Variants in DNAH11 observed in about 807,000 individuals in gnomAD.
DNAH11 encodes dynein axonemal heavy chain 11, also known as axonemal beta dynein heavy chain 11.
A neutral mutation model predicts 526.0 loss-of-function variants in DNAH11; 442 were observed. The ratio of observed to expected loss-of-function variants is 0.84; its 90% CI spans 0.78 to 0.91. DNAH11 has a LOEUF of 0.91. Ranked by LOEUF, DNAH11 falls within the 40% of genes least tolerant of loss-of-function variation. The probability of loss-of-function intolerance (pLI) is 0.00; values close to 1 mark genes in which losing one functional copy is unlikely to be tolerated. For missense variants in DNAH11, 6,989 were observed against 5,448.7 expected (o/e 1.28, Z -8.90); for synonymous variants, 2,461 against 1,935.9 (o/e 1.27, Z -7.12).
intron 55 of DNAH11, among the ~76,000 whole-genome samples, chr7:21,772,247 T>C (rs1210147103): frequency 6.6e-6 from 1 of 152,148 alleles, no homozygotes; most frequent in Admixed American, 6.5e-5. Context: ...ATCCCCGATT[T>C]ACAAATGAAA....
Position 21,900,052 on chromosome 7 carries a change from A to G in DNAH11, c.13235A>G (p.Lys4412Arg). 1 of 1,613,982 alleles carries G rather than the reference A, an allele frequency of 6.2e-7. No individual in the cohort carries two copies. The highest frequency in any genetic ancestry group is 8.5e-7 in the Non-Finnish European group (1 of 1,179,886). Residue 4412 changes from lysine to arginine, a missense_variant, in exon 81 of 82, where the codon AAA becomes AGA. Transcript: ENST00000409508. ...DKTRLTADVT[K>R]KTKEDYGHPP... ...ACGCGCTTGACTGCTGATGTTACCA[A>G]AAAAACAAAGGAAGATTATGGACAC... is the stretch of plus-strand genomic sequence containing the variant.
rs1373906090 is a variant in DNAH11, at chr7:21,894,739, TGA to T, written c.12871_12872del (p.Arg4291AspfsTer13). On this transcript the variant is annotated frameshift_variant, in exon 78 of 82. Transcript: ENST00000409508. LOFTEE classifies it high-confidence loss of function. ...ATGTTCTTGTTTGCTTCCAAGAATG[TGA>T]GAGGATGAATATTCTCATTCGGGAA... is the stretch of plus-strand genomic sequence containing the variant. ...PYVLVCFQECERMNILIREIR... is the reference protein window; with the variant it reads ...PYVLVCFQECXRMNILIREIR... 1 of 1,612,988 alleles carries T rather than the reference TGA, an allele frequency of 6.2e-7. No homozygotes were observed. Among genetic ancestry groups the T allele is most frequent in the Admixed American group, 1.7e-5 (1 of 59,810 alleles).
At chr7:21,718,819 A>G (rs1257616890) in intron 43 of DNAH11, among the ~76,000 whole-genome samples, 1 of 152,210 alleles carries the variant, frequency 6.6e-6, no homozygotes, top group Non-Finnish European at 1.5e-5. Flanking sequence ...ACGCAAAATT[A>G]GAAATAGTCA....
intron 28 of DNAH11, among the ~76,000 whole-genome samples, chr7:21,655,625 A>T (rs1395611125): frequency 6.6e-6 from 1 of 152,170 alleles, no homozygotes; most frequent in African/African-American, 2.4e-5. Context: ...CCAGTATGTG[A>T]TGATTTGACC....
At chr7:21,775,429 C>A (rs756033582) in intron 56 of DNAH11, among the ~76,000 whole-genome samples, 9 of 151,958 alleles carry the variant, frequency 5.9e-5, no homozygotes, top group Admixed American at 3.3e-4. Flanking sequence ...CCAGCCTGGA[C>A]AACAAAATGA....
In DNAH11 at chr7:21,571,978, T is replaced by A. The variant is rs1427442581; in HGVS notation, c.1593+5T>A. 1 of 1,515,778 alleles carries A rather than the reference T, an allele frequency of 6.6e-7. No individual in the cohort carries two copies. The highest frequency in any genetic ancestry group is 8.8e-7 in the Non-Finnish European group (1 of 1,135,578). The allele number at this position is 1,515,778 out of a possible 1,614,324, so 93.9% of individuals were successfully genotyped here. On this transcript the variant is annotated splice_donor_5th_base_variant and intron_variant, in intron 8 of 81. Transcript: ENST00000409508. Reference sequence around the variant, plus strand: ...CCATCTGATTGCACTAACATGGTAATGTTGTACCTTTGCATTTTCATTGCA... The same window carrying A: ...CCATCTGATTGCACTAACATGGTAAAGTTGTACCTTTGCATTTTCATTGCA...
chr7:21,730,723 C>A (rs1785342230), intron 45 of DNAH11, among the ~76,000 whole-genome samples: 1 of 152,088 alleles, frequency 6.6e-6, no homozygotes, highest in African/African-American at 2.4e-5. Flanking sequence ...TCAAGGGATA[C>A]AAAATTTCAG....
chr7:21,868,111 T>TC (rs1169594793), intron 72 of DNAH11, 104 bp downstream of exon 72: 1 of 1,139,662 alleles, frequency 8.8e-7, no homozygotes, highest in Non-Finnish European at 1.2e-6. Context: ...TTTCTTTTTT[T>TC]TTTTTTTTTA....
intron 61 of DNAH11, among the ~76,000 whole-genome samples, chr7:21,796,794 C>A (rs116339148): frequency 6.6e-6 from 1 of 152,200 alleles, no homozygotes; most frequent in African/African-American, 2.4e-5. Context: ...ATGAAAAAAT[C>A]TCTCTGAGAC....
chr7:21,889,904 T>G (rs1279229403), intron 76 of DNAH11, among the ~76,000 whole-genome samples: 2 of 152,186 alleles, frequency 1.3e-5, no homozygotes, highest in Non-Finnish European at 2.9e-5. Flanking sequence ...CAGGGCTCCT[T>G]GAGTATATTA....
intron 42 of DNAH11, among the ~76,000 whole-genome samples, chr7:21,713,514 C>T (rs1200990034): frequency 8.5e-5 from 13 of 152,274 alleles, no homozygotes; most frequent in African/African-American, 2.9e-4. Flanking sequence ...GGCAGTCCTT[C>T]GTTCTCTTGT....
At chr7:21,677,373 G>A (rs1366070908) in intron 30 of DNAH11, among the ~76,000 whole-genome samples, 1 of 151,914 alleles carries the variant, frequency 6.6e-6, no homozygotes, top group Non-Finnish European at 1.5e-5. Context: ...ATAGTGATCT[G>A]TGATCAGTAA....
intron 2 of DNAH11, among the ~76,000 whole-genome samples, chr7:21,550,607 T>C: frequency 6.6e-6 from 1 of 152,202 alleles, no homozygotes; most frequent in South Asian, 2.1e-4. Flanking sequence ...GTTTGATTCA[T>C]TCTTTCTACC....
In DNAH11 at chr7:21,864,607, C is replaced by T. The variant is rs745855957; in HGVS notation, c.11446C>T (p.His3816Tyr). 1.9e-6 allele frequency: 3 copies of T among 1,610,086 alleles called. No individual in the cohort carries two copies. The East Asian group carries it at 6.7e-5, about 36-fold the overall frequency. Residue 3816 changes from histidine (H) to tyrosine (Y), a missense_variant, in exon 70 of 82, where the codon CAT (histidine) becomes TAT (tyrosine). His to Tyr is a moderately conservative substitution (Grantham distance 83). Transcript: ENST00000409508. ...FLLRFTVEHT[H>Y]LSPVDFLTSQ... ...GCTTCGATTCACAGTTGAACACACT[C>T]ATCTGAGTCCCGTTGACTTCCTAAC...
intron 37 of DNAH11, 118 bp downstream of exon 37, chr7:21,702,920 G>A: frequency 1.2e-6 from 1 of 863,550 alleles, no homozygotes; most frequent in East Asian, 2.8e-5. Flanking sequence ...CATAACATCT[G>A]TTGTTAATGC....
intron 14 of DNAH11, among the ~76,000 whole-genome samples, chr7:21,598,613 A>G (rs909671954): frequency 3.3e-5 from 5 of 151,978 alleles, no homozygotes; most frequent in African/African-American, 1.2e-4. Flanking sequence ...AAATAAATAA[A>G]TAAATAAATA....
intron 8 of DNAH11, among the ~76,000 whole-genome samples, chr7:21,580,421 A>G (rs966394723): frequency 3.3e-5 from 5 of 152,252 alleles, no homozygotes; most frequent in African/African-American, 1.2e-4. Context: ...TGTATGACAC[A>G]TAGTGTCCTA....
At chr7:21,702,992 T>C (rs1189214777) in intron 37 of DNAH11, among the ~76,000 whole-genome samples, 190 bp downstream of exon 37, 1 of 152,170 alleles carries the variant, frequency 6.6e-6, no homozygotes, top group Non-Finnish European at 1.5e-5. Flanking sequence ...TACAAAGATA[T>C]GAATCTGGAA....
intron 79 of DNAH11, 32 bp from the exon 80 acceptor site, chr7:21,899,304 G>T: frequency 4.5e-6 from 7 of 1,568,850 alleles, no homozygotes; most frequent in Non-Finnish European, 6.1e-6. Flanking sequence ...TTACTGAACA[G>T]CAAGTTTTTC....
Sources: allele counts gnomAD v4.1 joint callset (sites outside exome capture counted in the v4.1 genomes callset), GRCh38; gene constraint gnomAD v4.1.1; transcripts MANE v1.5; gene names NCBI Gene and HGNC (gene_info 2026-07-23, HGNC 2026-07-21).